The following GSE1 variants were observed in gnomAD, a reference collection of about 807,000 sequenced individuals.
The protein encoded by GSE1 is Gse1 coiled-coil protein, also known as genetic suppressor element 1.
Under a neutral mutation model 112.6 loss-of-function variants are expected in GSE1, and 32 were observed. The ratio of observed to expected loss-of-function variants is 0.28; its 90% CI spans 0.21 to 0.38. The LOEUF (loss-of-function observed/expected upper bound fraction) is 0.38, where lower values mean the gene tolerates loss of function less well. Ranked by LOEUF, GSE1 falls within the 10% of genes least tolerant of loss-of-function variation. The probability of loss-of-function intolerance (pLI) is 1.00; values close to 1 mark genes in which losing one functional copy is unlikely to be tolerated. For synonymous variants in GSE1, 1,115 were observed against 735.6 expected (o/e 1.52, Z -8.35); for missense variants, 2,348 against 1,699.2 (o/e 1.38, Z -6.71).
intron 1 of GSE1, among the ~76,000 whole-genome samples, chr16:85,232,301 G>A (rs931359125): frequency 2.0e-5 from 3 of 152,144 alleles, no homozygotes; most frequent in East Asian, 1.9e-4. Flanking sequence ...GCCAACCCTC[G>A]TTTATCTGAA....
chr16:85,353,202 C>T (rs879892914), intron 1 of GSE1, among the ~76,000 whole-genome samples: 6 of 152,162 alleles, frequency 3.9e-5, no homozygotes, highest in Admixed American at 2.0e-4. Context: ...GGCCAGGACG[C>T]AGTCTCACCT....
At chr16:85,463,159 G>A (rs2050022479) in intron 2 of GSE1, 3 of 970,992 alleles carry the variant, frequency 3.1e-6, no homozygotes, top group Non-Finnish European at 3.7e-6. Flanking sequence ...GTGGACGGGA[G>A]GGTGGGGGGT....
At chr16:85,529,785 A>G (rs72801135) in intron 2 of GSE1, among the ~76,000 whole-genome samples, 30,084 of 152,078 alleles carry the variant, frequency 0.2, 3,566 homozygotes, top group African/African-American at 0.32. Context: ...TAGCTAGAGG[A>G]GGTTTGCCAG....
At chr16:85,462,098 C>T (rs1285624471) in intron 2 of GSE1, among the ~76,000 whole-genome samples, 1 of 152,002 alleles carries the variant, frequency 6.6e-6, no homozygotes, top group African/African-American at 2.4e-5. Flanking sequence ...GGAGGCTGTG[C>T]TCTGCAGGGC....
intron 1 of GSE1, among the ~76,000 whole-genome samples, chr16:85,578,079 C>G (rs964099582): frequency 6.6e-6 from 1 of 152,238 alleles, no homozygotes. Context: ...GCCTGCAGTT[C>G]TTCCGTTGAA....
At chr16:85,629,733 G>A (rs539456468) in intron 1 of GSE1, among the ~76,000 whole-genome samples, 39 of 152,318 alleles carry the variant, frequency 2.6e-4, no homozygotes, top group Non-Finnish European at 5.1e-4. Context: ...CTCTGGCATC[G>A]AAGGGACATG....
chr16:85,607,501 T>C (rs2151513616), upstream of GSE1, among the ~76,000 whole-genome samples: 1 of 152,184 alleles, frequency 6.6e-6, no homozygotes, highest in East Asian at 1.9e-4. Flanking sequence ...GTGTGCGGGG[T>C]GCGGATTGGA....
intron 2 of GSE1, among the ~76,000 whole-genome samples, chr16:85,371,200 C>T (rs2047292481): frequency 6.6e-6 from 1 of 152,208 alleles, no homozygotes; most frequent in Non-Finnish European, 1.5e-5. Context: ...GGCTACCAGG[C>T]CAGGGCAGGG....
intron 1 of GSE1, among the ~76,000 whole-genome samples, chr16:85,235,324 G>C (rs950411169): frequency 3.3e-5 from 5 of 151,740 alleles, no homozygotes; most frequent in Non-Finnish European, 7.4e-5. Flanking sequence ...CTCCCCAGGC[G>C]AAGAGGGGTT....
intron 2 of GSE1, among the ~76,000 whole-genome samples, chr16:85,391,856 C>A (rs978744407): frequency 1.3e-5 from 2 of 152,218 alleles, no homozygotes; most frequent in Non-Finnish European, 2.9e-5. Context: ...AACCCTGTGG[C>A]TTCTGGACTT....
At chr16:85,525,904 C>A (rs996169975) in intron 2 of GSE1, among the ~76,000 whole-genome samples, 1 of 152,178 alleles carries the variant, frequency 6.6e-6, no homozygotes, top group African/African-American at 2.4e-5. Flanking sequence ...AGCCTGAGCT[C>A]GCGGCCCTCC....
At chr16:85,266,452 G>C (rs1908258354) in intron 1 of GSE1, among the ~76,000 whole-genome samples, 1 of 152,160 alleles carries the variant, frequency 6.6e-6, no homozygotes, top group Non-Finnish European at 1.5e-5. Context: ...AGGGAGCAGG[G>C]CTGGCACCGA....
intron 1 of GSE1, among the ~76,000 whole-genome samples, chr16:85,298,755 G>C (rs1042411117): frequency 6.6e-6 from 1 of 152,244 alleles, no homozygotes; most frequent in East Asian, 1.9e-4. Flanking sequence ...TAAAGAAACA[G>C]ATTCACGCCC....
chr16:85,429,452 GGCA>G (rs1186601545), intron 2 of GSE1, among the ~76,000 whole-genome samples: 1 of 152,336 alleles, frequency 6.6e-6, no homozygotes, highest in African/African-American at 2.4e-5. Flanking sequence ...TGGTGGCAGA[GGCA>G]GGCACAGCTG....
chr16:85,613,467 G>C, intron 1 of GSE1, 69 bp downstream of exon 1: 2 of 1,390,954 alleles, frequency 1.4e-6, no homozygotes, highest in South Asian at 1.3e-5. Flanking sequence ...CCTCCTGCAA[G>C]TTCGCGGGTT....
intron 15 of GSE1, 29 bp downstream of exon 15, chr16:85,671,127 A>G (rs908284604): frequency 3.9e-6 from 5 of 1,266,540 alleles, no homozygotes; most frequent in Non-Finnish European, 5.8e-6. Context: ...GAAACCTTCA[A>G]ACACGCAACC....
intron 1 of GSE1, chr16:85,207,737 G>A (rs1294488964): frequency 6.6e-6 from 1 of 152,278 alleles, no homozygotes; most frequent in African/African-American, 2.4e-5. Flanking sequence ...TAGAATGAGC[G>A]GAGGAGGACG....
rs2048594325 is a variant in GSE1 at position 85,412,586 on chromosome 16, CGTT to C, written c.2464+54944_2464+54946del. ...CAGGGCCCCCCTGGATAATCCTCACCGTTACACTCAGGGCACCTGGATAATCCT... is the reference window on the plus strand; with the variant it reads ...CAGGGCCCCCCTGGATAATCCTCACCACACTCAGGGCACCTGGATAATCCT... On this transcript the variant is annotated intron_variant, in intron 2 of 2. Coordinates refer to the GSE1 transcript ENST00000637419. Among the ~76,000 whole-genome samples the C allele has an allele frequency of 2.0e-3, 5 of 2,498 alleles. 2 individuals are homozygous for C. The highest frequency in any genetic ancestry group is 0.02 in the Admixed American group (3 of 150). The allele number at this position is 2,498 out of a possible 152,430, so 1.6% of individuals were successfully genotyped here.
chr16:85,262,180 A>T (rs1323280920), intron 1 of GSE1, among the ~76,000 whole-genome samples: 1 of 152,206 alleles, frequency 6.6e-6, no homozygotes, highest in Admixed American at 6.5e-5. Context: ...AAAACTGACG[A>T]TGACAAATTA....
Sources: allele counts gnomAD v4.1 joint callset (sites outside exome capture counted in the v4.1 genomes callset), GRCh38; gene constraint gnomAD v4.1.1; transcripts MANE v1.5; gene names NCBI Gene and HGNC (gene_info 2026-07-23, HGNC 2026-07-21).